Variants in AP5M1 observed in about 807,000 individuals in gnomAD.
AP5M1 encodes the protein adaptor related protein complex 5 subunit mu 1, also known as AP-5 complex subunit mu-1.
In AP5M1, 44 loss-of-function variants were observed where a neutral mutation model predicts 52.3. The observed-to-expected ratio is 0.84, with a 90% confidence interval of 0.66 to 1.08. The LOEUF (loss-of-function observed/expected upper bound fraction) is 1.08. AP5M1 is among the 50% of genes least tolerant of loss of function. The pLI, the probability that AP5M1 is intolerant of heterozygous loss-of-function variation, is 0.00. For synonymous variants in AP5M1, 213 were observed against 199.0 expected, an observed-to-expected ratio of 1.07 and a Z score of -0.59; for missense variants, 526 against 568.4, an observed-to-expected ratio of 0.93 and a Z score of 0.76.
Position 57,288,803 on chromosome 14 carries a change from C to T in AP5M1, c.1392C>T (p.His464=). ...FASGKPKISA[H]RKLISSDYYI... is the part of the protein sequence containing the mutation. ...TTAATTTCTTTTTCTTTTCTTTAGA[C>T]CGGAAACTAATTTCTTCTGATTATT... Residue 464 remains histidine, a splice_region_variant and synonymous_variant, in exon 8 of 8, where the codon CAC becomes CAT. Transcript: ENST00000261558. 4 of 1,572,408 alleles carry T rather than the reference C, an allele frequency of 2.5e-6. No homozygotes were observed. Among genetic ancestry groups the T allele is most frequent in the Non-Finnish European group, 3.5e-6 (4 of 1,148,062 alleles).
chr14:57,279,487 C>T (rs1885120073), intron 2 of AP5M1, among the ~76,000 whole-genome samples: 1 of 152,138 alleles, frequency 6.6e-6, no homozygotes. Flanking sequence ...GACGAGACCA[C>T]ATGGTCACAA....
intron 2 of AP5M1, among the ~76,000 whole-genome samples, chr14:57,277,609 A>G (rs1474259196): frequency 6.6e-6 from 1 of 151,980 alleles, no homozygotes; most frequent in Non-Finnish European, 1.5e-5. Context: ...TAAAGGCACT[A>G]ATTGTATATA....
rs1307852257 is a variant in AP5M1, at chr14:57,294,265, A to G, written c.*5381A>G. 6.6e-6 allele frequency: 1 copy of G among 151,886 alleles called. No homozygotes were observed. Among genetic ancestry groups the G allele is most frequent in the Admixed American group, 6.6e-5 (1 of 15,208 alleles). The allele number at this position is 151,886 out of a possible 1,614,324, so 9.4% of individuals were successfully genotyped here. A position where few individuals can be genotyped will look rare whatever the true frequency, so the allele number is the denominator to read the frequency against. ...GAATTTTTTTTCCAGTAGGATGTGA[A>G]ATTTTGCACTTCTAATCTGTTGAAC... is the stretch of plus-strand genomic sequence containing the variant. On this transcript the variant is annotated 3_prime_UTR_variant, in exon 8 of 8. Coordinates refer to ENST00000261558, the MANE Select transcript of AP5M1 (RefSeq NM_018229.4).
chr14:57,280,374 A>G lies in AP5M1; in HGVS notation c.900A>G (p.Pro300=), dbSNP rs1396271746. 6.2e-7 allele frequency: 1 copy of G among 1,613,982 alleles called. No homozygotes were observed. Residue 300 remains proline (P), a synonymous_variant, in exon 3 of 8, where the codon CCA becomes CCG. Transcript: ENST00000261558. ...CATTTAGTGGGCCTTACAAATTTCCATTCACTCCACCTTTAGAGTCATTCA... is the reference window on the plus strand; with the variant it reads ...CATTTAGTGGGCCTTACAAATTTCCGTTCACTCCACCTTTAGAGTCATTCA... ...DSAFSGPYKF[P]FTPPLESFNL...
At chr14:57,285,862 T>G (rs1184704318) in intron 6 of AP5M1, among the ~76,000 whole-genome samples, 1 of 152,110 alleles carries the variant, frequency 6.6e-6, no homozygotes, top group African/African-American at 2.4e-5. Context: ...AGGTCTGAGT[T>G]CAAATGCCAG....
At chr14:57,280,814 G>A (rs912089641) in intron 3 of AP5M1, among the ~76,000 whole-genome samples, 10 of 150,226 alleles carry the variant, frequency 6.7e-5, no homozygotes, top group South Asian at 2.1e-4. Flanking sequence ...TCGCACCAGC[G>A]CACTCCAGCC....
At position 57,282,173 on chromosome 14, in the gene AP5M1, G is replaced by T; in HGVS notation, c.1033G>T (p.Glu345Ter). Reference sequence around the variant, plus strand: ...AATAACCATTAATTTAAAACTTCATGAAAGTGTGAAAAATAATTTTGAATT... The same window carrying T: ...AATAACCATTAATTTAAAACTTCATTAAAGTGTGAAAAATAATTTTGAATT... ...LRITINLKLHESVKNNFEFCE... is the reference protein window; with the variant it reads ...LRITINLKLH The change falls in exon 4 of 8, where the codon GAA (glutamate) becomes TAA (stop). Residue 345 changes from glutamate (E) to a stop codon, truncating the protein, a stop_gained. Coordinates refer to ENST00000261558, the MANE Select transcript of AP5M1 (RefSeq NM_018229.4). LOFTEE classifies it high-confidence loss of function. The T allele has an allele frequency of 1.3e-6, 2 of 1,577,518 alleles. No homozygotes were observed. Among genetic ancestry groups the T allele is most frequent in the Non-Finnish European group, 1.7e-6 (2 of 1,166,590 alleles).
At chr14:57,280,942 C>T (rs1319371947) in intron 3 of AP5M1, among the ~76,000 whole-genome samples, 3 of 150,388 alleles carry the variant, frequency 2.0e-5, no homozygotes, top group African/African-American at 7.3e-5. Context: ...AATAATTGAA[C>T]TTTTTTTTTA....
chr14:57,278,276 A>G (rs1885087635), intron 2 of AP5M1: 1 of 152,238 alleles, frequency 6.6e-6, no homozygotes, highest in Non-Finnish European at 1.5e-5. Context: ...CCTTTCGGAA[A>G]CAGTCACTAA....
Position 57,280,402 on chromosome 14 carries a change from T to C in AP5M1, c.928T>C (p.Leu310=), listed in dbSNP as rs369513556. ...PFTPPLESFN[L]CFYTSQVPVP... is the part of the protein sequence containing the mutation. ...CACTCCACCTTTAGAGTCATTCAAC[T>C]TATGCTTCTACACTTCCCAGGTAAC... Residue 310 remains leucine, a synonymous_variant, in exon 3 of 8, where the codon TTA becomes CTA. Transcript: ENST00000261558. 4 of 1,612,016 alleles carry C rather than the reference T, an allele frequency of 2.5e-6. 1 individual carries two copies. Among genetic ancestry groups the C allele is most frequent in the Middle Eastern group, 1.7e-4 (1 of 6,052 alleles).
chr14:57,277,512 AT>A (rs891123340), intron 2 of AP5M1, among the ~76,000 whole-genome samples: 1 of 151,926 alleles, frequency 6.6e-6, no homozygotes, highest in Non-Finnish European at 1.5e-5. Context: ...AAACCCTAAA[AT>A]TTTTTTTAAG....
rs1409328670 is a variant in AP5M1 at position 57,280,175 on chromosome 14, T to C, written c.721-20T>C. 1 of 1,567,668 alleles carries C rather than the reference T, an allele frequency of 6.4e-7. No homozygotes were observed. The highest frequency in any genetic ancestry group is 8.8e-7 in the Non-Finnish European group (1 of 1,138,214). On this transcript the variant is annotated intron_variant, in intron 2 of 7. Transcript: ENST00000261558. ...TTTGCTTCTGAGATTTTGGTGATAA[T>C]CTTTCTGTTTGCATTTCAGTGTGAT...
intron 7 of AP5M1, among the ~76,000 whole-genome samples, chr14:57,288,516 A>C (rs1474617334): frequency 6.6e-6 from 1 of 152,106 alleles, no homozygotes. Flanking sequence ...GTAATGGTCC[A>C]TACGAAAAAG....
intron 2 of AP5M1, among the ~76,000 whole-genome samples, chr14:57,277,025 T>C (rs1232171648): frequency 6.6e-6 from 1 of 152,152 alleles, no homozygotes; most frequent in Non-Finnish European, 1.5e-5. Flanking sequence ...AGGCCAGTGG[T>C]CCAAAGTTCT....
rs1216139372 is a variant in AP5M1 at position 57,297,172 on chromosome 14, G to T, written c.*8288G>T. 6.6e-6 allele frequency: 1 copy of T among 151,838 alleles called. No individual in the cohort carries two copies. Among genetic ancestry groups the T allele is most frequent in the Non-Finnish European group, 1.5e-5 (1 of 67,952 alleles). The allele number at this position is 151,838 out of a possible 1,614,324, so 9.4% of individuals were successfully genotyped here. A position where few individuals can be genotyped will look rare whatever the true frequency, so the allele number is the denominator to read the frequency against. On this transcript the variant is annotated 3_prime_UTR_variant, in exon 8 of 8. Coordinates refer to ENST00000261558, the MANE Select transcript of AP5M1 (RefSeq NM_018229.4). ...TTGGATATGTAGGGTAAATATAAAT[G>T]TCTAATGAAAGTAATTACTATTATA...
chr14:57,279,928 A>T (rs1885131703), intron 2 of AP5M1, among the ~76,000 whole-genome samples: 1 of 152,200 alleles, frequency 6.6e-6, no homozygotes, highest in Non-Finnish European at 1.5e-5. Context: ...AATGTGTTTC[A>T]ACAGGAATGG....
intron 1 of AP5M1, among the ~76,000 whole-genome samples, chr14:57,273,034 C>T (rs1407556015): frequency 1.3e-5 from 2 of 151,986 alleles, no homozygotes; most frequent in South Asian, 2.1e-4. Flanking sequence ...CTCCACCTCC[C>T]GGGTTCAAGA....
intron 2 of AP5M1, chr14:57,275,229 G>C (rs895253851): frequency 3.1e-6 from 1 of 320,428 alleles, no homozygotes; most frequent in African/African-American, 2.2e-5. Context: ...CTGAAGGTCT[G>C]ACTGAGGCTG....
chr14:57,283,599 GGTTT>G (rs1885237816), intron 6 of AP5M1, among the ~76,000 whole-genome samples: 1 of 151,978 alleles, frequency 6.6e-6, no homozygotes, highest in Non-Finnish European at 1.5e-5. Flanking sequence ...TTTAAACAAG[GGTTT>G]TTTTGTTTGT....
Sources: allele counts gnomAD v4.1 joint callset (sites outside exome capture counted in the v4.1 genomes callset), GRCh38; gene constraint gnomAD v4.1.1; transcripts MANE v1.5; gene names NCBI Gene and HGNC (gene_info 2026-07-23, HGNC 2026-07-21).